USP6NL: variants seen among roughly 807,000 people sequenced by gnomAD.
USP6NL encodes the protein USP6 N-terminal-like protein.
USP6NL carries 26 observed loss-of-function variants against 61.9 expected under a neutral mutation model. The ratio of observed to expected loss-of-function variants is 0.42; its 90% CI spans 0.31 to 0.58. The LOEUF (loss-of-function observed/expected upper bound fraction) is 0.58, where lower values mean the gene tolerates loss of function less well. USP6NL is among the 20% of genes least tolerant of loss of function. The probability of loss-of-function intolerance (pLI) is 0.16; values close to 1 mark genes in which losing one functional copy is unlikely to be tolerated. For synonymous variants in USP6NL, 432 were observed against 390.1 expected, an observed-to-expected ratio of 1.11 and a Z score of -1.27; for missense variants, 1,114 against 1,034.3, an observed-to-expected ratio of 1.08 and a Z score of -1.06.
rs1459841822 is a variant in USP6NL at position 11,463,096 on chromosome 10, C to G, written c.1832G>C (p.Ser611Thr). 6.2e-7 allele frequency: 1 copy of G among 1,614,052 alleles called. No homozygotes were observed. The highest frequency in any genetic ancestry group is 2.2e-5 in the East Asian group (1 of 44,880). Reference sequence around the variant, plus strand: ...TAGCTGGGACGGATATCGTGCATGACTTGGAGGCTGTACTTTAAAAGTAAA... The same window carrying G: ...TAGCTGGGACGGATATCGTGCATGAGTTGGAGGCTGTACTTTAAAAGTAAA... Reference protein sequence around the residue: ...NKFTFKVQPPSHARYPSQLDG... With the variant: ...NKFTFKVQPPTHARYPSQLDG... The change falls in exon 15 of 15, where the codon AGT (serine) becomes ACT (threonine). Residue 611 changes from serine to threonine, a missense_variant. By Grantham distance (58) the Ser-to-Thr change is moderately conservative. Coordinates refer to ENST00000609104, the MANE Select transcript of USP6NL (RefSeq NM_014688.5). The surrounding 1 kb of genome is among the most constrained non-coding windows in gnomAD (Gnocchi z 6.3).
chr10:11,484,820 A>T (rs535314733), intron 13 of USP6NL, 151 bp downstream of exon 13: 1 of 572,480 alleles, frequency 1.7e-6, no homozygotes, highest in Admixed American at 3.7e-5. Context: ...AAAGTACATT[A>T]CCAATTGATG....
At chr10:11,579,216 A>C (rs1837657438) in intron 2 of USP6NL, among the ~76,000 whole-genome samples, 1 of 152,244 alleles carries the variant, frequency 6.6e-6, no homozygotes, top group African/African-American at 2.4e-5. Flanking sequence ...ACCAATTTTG[A>C]GTTGACAGGG....
rs1251749270 is a variant in USP6NL, at chr10:11,468,701, A to ATGG, written c.1079-4855_1079-4853dup. On this transcript the variant is annotated intron_variant, in intron 14 of 14. Transcript: ENST00000609104. This position sits in a 1 kb window ranked among gnomAD's most constrained non-coding sequence, Gnocchi z 4.5. ...CCTTTGAGGAAAATGTTGCCATGGC[A>ATGG]TGGTCTATTCCTATGTTGTGATATT... Among the ~76,000 whole-genome samples, 5 of 152,260 alleles carry ATGG rather than the reference A, an allele frequency of 3.3e-5. No individual in the cohort carries two copies. The highest frequency in any genetic ancestry group is 5.9e-5 in the Non-Finnish European group (4 of 68,048).
chr10:11,609,189 C>T (rs1323683520), intron 1 of USP6NL, among the ~76,000 whole-genome samples: 2 of 152,126 alleles, frequency 1.3e-5, no homozygotes, highest in Non-Finnish European at 2.9e-5. Flanking sequence ...CTCAGCCTCC[C>T]GGGTAGCTGG....
At chr10:11,517,040 A>G (rs1408554658) in intron 5 of USP6NL, among the ~76,000 whole-genome samples, 1 of 152,220 alleles carries the variant, frequency 6.6e-6, no homozygotes, top group Non-Finnish European at 1.5e-5. Flanking sequence ...GAGAGAAGTC[A>G]ATACTGGACT....
At chr10:11,560,714 T>TTATATATATATA (rs56221814) in intron 2 of USP6NL, among the ~76,000 whole-genome samples, 19 of 141,326 alleles carry the variant, frequency 1.3e-4, no homozygotes, top group African/African-American at 3.4e-4. Context: ...TATATATATA[T>TTATATATATATA]TATATATATA....
In USP6NL at chr10:11,501,408, A is replaced by T. The variant is rs147159015; in HGVS notation, c.277-200T>A. On this transcript the variant is annotated intron_variant, in intron 6 of 14. Transcript: ENST00000609104. Reference sequence around the variant, plus strand: ...AACAGGGAGATACAGACAAAGAAGGAGAGAGTATAACAAGAAATTGTTAAG... The same window carrying T: ...AACAGGGAGATACAGACAAAGAAGGTGAGAGTATAACAAGAAATTGTTAAG... 4.7e-3 allele frequency among the ~76,000 whole-genome samples: 717 copies of T among 152,350 alleles called. 5 individuals carry two copies. Among genetic ancestry groups the T allele is most frequent in the African/African-American group, 0.016 (647 of 41,572 alleles).
chr10:11,552,453 T>C (rs1447050597), intron 2 of USP6NL, among the ~76,000 whole-genome samples: 1 of 152,248 alleles, frequency 6.6e-6, no homozygotes, highest in Admixed American at 6.5e-5. Flanking sequence ...AATGTGGTCA[T>C]AGTTTTGCCA....
Position 11,518,570 on chromosome 10 carries a change from C to T in USP6NL, c.160G>A (p.Glu54Lys). The T allele has an allele frequency of 3.1e-6, 5 of 1,612,434 alleles. No homozygotes were observed. Among genetic ancestry groups the T allele is most frequent in the Non-Finnish European group, 4.2e-6 (5 of 1,179,336 alleles). The change falls in exon 5 of 15, where the codon GAG (glutamate) becomes AAG (lysine). Residue 54 changes from glutamate to lysine, a missense_variant. Physicochemically the swap from Glu to Lys is moderately conservative, Grantham distance 56. Coordinates refer to ENST00000609104, the MANE Select transcript of USP6NL (RefSeq NM_014688.5). The surrounding 1 kb of genome is among the most constrained non-coding windows in gnomAD (Gnocchi z 5.3). ...GCCACATTATGATCTGGGAGCTCCTCCTCACTGCAGAGGAAAAACAGTATT... is the reference window on the plus strand; with the variant it reads ...GCCACATTATGATCTGGGAGCTCCTTCTCACTGCAGAGGAAAAACAGTATT... Reference protein sequence around the residue: ...VTDRFGFLHEEELPDHNVAVE... With the variant: ...VTDRFGFLHEKELPDHNVAVE...
At chr10:11,464,362 G>A (rs561229752) in intron 14 of USP6NL, among the ~76,000 whole-genome samples, 1 of 152,322 alleles carries the variant, frequency 6.6e-6, no homozygotes, top group South Asian at 2.1e-4. Context: ...GTACTCACTA[G>A]GCAGTCACTG....
chr10:11,591,204 C>A lies in USP6NL; in HGVS notation c.4+6427G>T, dbSNP rs1838149657. Among the ~76,000 whole-genome samples the A allele has an allele frequency of 6.6e-6, 1 of 152,170 alleles. No individual in the cohort carries two copies. The highest frequency in any genetic ancestry group is 2.4e-5 in the African/African-American group (1 of 41,422). On this transcript the variant is annotated intron_variant, in intron 2 of 14. Transcript: ENST00000609104. This position sits in a 1 kb window ranked among gnomAD's most constrained non-coding sequence, Gnocchi z 4.7. ...AAGAGGCCAGCCACTGGAAAACTTA[C>A]TGCTTTCAGAATGGAATTCGAAATA...
Position 11,468,230 on chromosome 10 carries a change from G to A in USP6NL, c.1079-4381C>T, listed in dbSNP as rs1284321201. On this transcript the variant is annotated intron_variant, in intron 14 of 14. Coordinates refer to ENST00000609104, the MANE Select transcript of USP6NL (RefSeq NM_014688.5). The surrounding 1 kb of genome is among the most constrained non-coding windows in gnomAD (Gnocchi z 4.5). ...CAACTTTAATCCTCTGTAAAAAGTG[G>A]AACTACATTTTTCTTATCGCTGCCC... 6.6e-6 allele frequency among the ~76,000 whole-genome samples: 1 copy of A among 152,084 alleles called. No individual in the cohort carries two copies. The highest frequency in any genetic ancestry group is 1.5e-5 in the Non-Finnish European group (1 of 68,022).
chr10:11,509,281 G>C (rs1489902275), intron 6 of USP6NL, among the ~76,000 whole-genome samples: 1 of 152,210 alleles, frequency 6.6e-6, no homozygotes, highest in African/African-American at 2.4e-5. Flanking sequence ...GGGGCTGACA[G>C]TGCAGAAGGC....
chr10:11,492,186 T>C (rs1336283255), intron 8 of USP6NL, among the ~76,000 whole-genome samples: 1 of 152,202 alleles, frequency 6.6e-6, no homozygotes, highest in Non-Finnish European at 1.5e-5. Flanking sequence ...TCATGTTAGA[T>C]GGAAGGATGA....
intron 10 of USP6NL, 118 bp from the exon 11 acceptor site, chr10:11,486,029 A>G (rs1368387223): frequency 2.5e-5 from 18 of 706,686 alleles, no homozygotes; most frequent in South Asian, 2.7e-5. Context: ...TTCAGTAGTT[A>G]CCAAAATATT....
intron 1 of USP6NL, among the ~76,000 whole-genome samples, chr10:11,604,375 G>C (rs1038093142): frequency 6.6e-6 from 1 of 152,218 alleles, no homozygotes; most frequent in East Asian, 1.9e-4. Flanking sequence ...AAAACAAGCT[G>C]GTCTAAAATG....
rs1404097047 is a variant in USP6NL, at chr10:11,574,530, T to C, written c.4+23101A>G. On this transcript the variant is annotated intron_variant, in intron 2 of 14. Transcript: ENST00000609104. This position sits in a 1 kb window ranked among gnomAD's most constrained non-coding sequence, Gnocchi z 4.3. ...TTAATATATTTGTTATATGTTCTATTTATCCCATAGCAGCCCTTCTCAAAG... is the reference window on the plus strand; with the variant it reads ...TTAATATATTTGTTATATGTTCTATCTATCCCATAGCAGCCCTTCTCAAAG... 6.6e-6 allele frequency among the ~76,000 whole-genome samples: 1 copy of C among 152,212 alleles called. No homozygotes were observed. Among genetic ancestry groups the C allele is most frequent in the Non-Finnish European group, 1.5e-5 (1 of 68,034 alleles).
intron 5 of USP6NL, among the ~76,000 whole-genome samples, chr10:11,516,024 C>G (rs1022156467): frequency 5.3e-5 from 8 of 152,252 alleles, no homozygotes; most frequent in Non-Finnish European, 1.0e-4. Context: ...TTTTACATAT[C>G]TATTCTTCCT....
At chr10:11,501,525 T>A (rs1005454706) in intron 6 of USP6NL, among the ~76,000 whole-genome samples, 6 of 152,234 alleles carry the variant, frequency 3.9e-5, no homozygotes, top group Non-Finnish European at 8.8e-5. Context: ...GGTGTGAACA[T>A]CTGATTTACA....
Sources: gnomAD v4.1 joint callset for allele counts (sites outside exome capture counted in the v4.1 genomes callset) on GRCh38, gnomAD v4.1.1 for gene constraint, Gnocchi (gnomAD v3.1) non-coding constraint, MANE v1.5 for transcripts, NCBI Gene and HGNC (gene_info 2026-07-23, HGNC 2026-07-21) for gene names.